MTMR8: variants seen among roughly 807,000 people sequenced by gnomAD.
The protein encoded by MTMR8 is phosphatidylinositol-3,5-bisphosphate 3-phosphatase MTMR8.
Under a neutral mutation model 39.3 loss-of-function variants are expected in MTMR8, and 65 were observed. That is an observed-to-expected ratio of 1.65 (90% CI 1.35 to 2.03). MTMR8 has a LOEUF of 2.03. MTMR8 is among the 30% of genes most tolerant of loss of function. The pLI, the probability that MTMR8 is intolerant of heterozygous loss-of-function variation, is 0.00. For missense variants in MTMR8, 777 were observed against 538.9 expected (o/e 1.44, Z -4.37); for synonymous variants, 245 against 185.2 (o/e 1.32, Z -2.62).
chrX:64,384,047 G>A (rs1284422213), intron 1 of MTMR8, among the ~76,000 whole-genome samples: 1 of 112,000 alleles, frequency 8.9e-6, no homozygotes, highest in Non-Finnish European at 1.9e-5. Flanking sequence ...TAAGCATTGG[G>A]TAAACATTTC....
chrX:64,308,311 C>T (rs926019707), intron 12 of MTMR8, among the ~76,000 whole-genome samples: 7 of 103,053 alleles, frequency 6.8e-5, no homozygotes, highest in African/African-American at 1.8e-4. Flanking sequence ...CCTGCCATCA[C>T]GGCTGGCTAT....
intron 12 of MTMR8, chrX:64,305,831 C>G (rs1464788695): frequency 3.1e-6 from 1 of 322,828 alleles, no homozygotes; most frequent in South Asian, 4.5e-5. Context: ...TGGCCATAAC[C>G]CAGGCTGGGC....
rs774893392 is a variant in MTMR8, at chrX:64,333,678, G to A, written c.1152-1921C>T. On this transcript the variant is annotated intron_variant, in intron 10 of 13. Transcript: ENST00000374852. ...TCTCTTCTACCCCCTTGAGAGCCAAGGTTCTTGGAAAGAGATTTATATACT... is the reference window on the plus strand; with the variant it reads ...TCTCTTCTACCCCCTTGAGAGCCAAAGTTCTTGGAAAGAGATTTATATACT... Among the ~76,000 whole-genome samples the A allele has an allele frequency of 2.8e-4, 31 of 111,605 alleles. No individual in the cohort carries two copies. In the South Asian group the frequency reaches 0.01, roughly 37 times the overall value.
intron 1 of MTMR8, among the ~76,000 whole-genome samples, chrX:64,376,546 A>G (rs1180733124): frequency 3.6e-5 from 4 of 112,205 alleles, no homozygotes; most frequent in Non-Finnish European, 7.5e-5. Flanking sequence ...GTGGCGGAAT[A>G]AATTTCTAAG....
At chrX:64,319,584 G>C (rs1315750784) in intron 12 of MTMR8, among the ~76,000 whole-genome samples, 1 of 111,770 alleles carries the variant, frequency 8.9e-6, no homozygotes, top group Non-Finnish European at 1.9e-5. Flanking sequence ...TTTTGTATAA[G>C]GTGTAAGGAA....
At chrX:64,317,997 T>A (rs190979315) in intron 12 of MTMR8, among the ~76,000 whole-genome samples, 1 of 112,372 alleles carries the variant, frequency 8.9e-6, no homozygotes, top group African/African-American at 3.2e-5. Context: ...CTTTTCCCCA[T>A]GTGACCTCCA....
intron 1 of MTMR8, among the ~76,000 whole-genome samples, chrX:64,392,479 A>G (rs1170981741): frequency 8.9e-6 from 1 of 112,332 alleles, no homozygotes; most frequent in Admixed American, 9.4e-5. Flanking sequence ...ACAACAAAAG[A>G]GTAAAATGAA....
At chrX:64,382,186 C>T (rs918791026) in intron 1 of MTMR8, among the ~76,000 whole-genome samples, 1 of 111,538 alleles carries the variant, frequency 9.0e-6, no homozygotes, top group Non-Finnish European at 1.9e-5. Flanking sequence ...CTATAAATTA[C>T]CTTGGGCAGT....
intron 12 of MTMR8, chrX:64,305,864 C>T (rs770546965): frequency 6.1e-5 from 17 of 277,240 alleles, no homozygotes; most frequent in African/African-American, 3.9e-4. Context: ...ACTTGGAATG[C>T]TAGCACTTTG....
At chrX:64,326,371 C>T (rs938926435) in intron 12 of MTMR8, among the ~76,000 whole-genome samples, 5 of 111,441 alleles carry the variant, frequency 4.5e-5, no homozygotes, top group African/African-American at 1.6e-4. Context: ...TTGCAAGATA[C>T]AAAAATCAGC....
At chrX:64,374,125 T>C (rs1416018355) in intron 1 of MTMR8, among the ~76,000 whole-genome samples, 1 of 111,437 alleles carries the variant, frequency 9.0e-6, no homozygotes, top group Non-Finnish European at 1.9e-5. Context: ...AATTATAAAC[T>C]CCCAGGAGTT....
At chrX:64,395,239 G>C in intron 1 of MTMR8, 101 bp downstream of exon 1, 1 of 926,568 alleles carries the variant, frequency 1.1e-6, no homozygotes, top group South Asian at 2.1e-5. Flanking sequence ...GGAAAGACGC[G>C]TCAAAGAAGG....
chrX:64,321,868 A>C, intron 12 of MTMR8, among the ~76,000 whole-genome samples: 1 of 111,768 alleles, frequency 8.9e-6, no homozygotes, highest in East Asian at 2.8e-4. Flanking sequence ...TATCATGAAG[A>C]GATGTTAAAT....
intron 12 of MTMR8, among the ~76,000 whole-genome samples, chrX:64,319,423 C>A (rs774543056): frequency 8.9e-6 from 1 of 112,239 alleles, no homozygotes; most frequent in African/African-American, 3.2e-5. Context: ...TCCCATTTGT[C>A]AATTTTGGCT....
chrX:64,355,746 G>C (rs1188972645), intron 3 of MTMR8, among the ~76,000 whole-genome samples: 2 of 111,000 alleles, frequency 1.8e-5, no homozygotes, highest in African/African-American at 6.6e-5. Context: ...TTGATGAACT[G>C]CCTTAGTCTT....
chrX:64,392,783 C>A (rs1240706046), intron 1 of MTMR8, among the ~76,000 whole-genome samples: 2 of 111,430 alleles, frequency 1.8e-5, no homozygotes, highest in Admixed American at 9.5e-5. Flanking sequence ...ATAAAAGTCA[C>A]TTTTGTACTT....
chrX:64,288,100 A>G (rs1452077684), intron 12 of MTMR8, among the ~76,000 whole-genome samples: 1 of 103,257 alleles, frequency 9.7e-6, no homozygotes, highest in African/African-American at 3.4e-5. Flanking sequence ...AATTTTTGCA[A>G]TCTACTCCTC....
chrX:64,291,084 A>G (rs776356962), intron 12 of MTMR8, among the ~76,000 whole-genome samples: 2 of 111,504 alleles, frequency 1.8e-5, no homozygotes, highest in Non-Finnish European at 3.8e-5. Context: ...TCATATTTCT[A>G]TTACATAAAT....
chrX:64,355,050 C>CTTTTCTGGGGCTGTTTGA, intron 3 of MTMR8, 116 bp from the exon 4 acceptor site: 1 of 639,824 alleles, frequency 1.6e-6, no homozygotes, highest in Non-Finnish European at 2.3e-6. Context: ...TCAAACAGCC[C>CTTTTCTGGGGCTGTTTGA]CAGAAAAGGA....
Sources: allele counts gnomAD v4.1 joint callset (sites outside exome capture counted in the v4.1 genomes callset), GRCh38; gene constraint gnomAD v4.1.1; transcripts MANE v1.5; gene names NCBI Gene and HGNC (gene_info 2026-07-23, HGNC 2026-07-21).